Variants in VAV3 observed in about 807,000 individuals in gnomAD.
VAV3 encodes the protein vav guanine nucleotide exchange factor 3.
In VAV3, 94 loss-of-function variants were observed where a neutral mutation model predicts 131.2. The ratio of observed to expected loss-of-function variants is 0.72; its 90% CI spans 0.61 to 0.85. VAV3 has a LOEUF of 0.85. VAV3 is among the 40% of genes least tolerant of loss of function. VAV3 has a pLI of 0.00. For synonymous variants in VAV3, 349 were observed against 342.0 expected (o/e 1.02, Z -0.22); for missense variants, 939 against 1,002.7 (o/e 0.94, Z 0.86).
intron 1 of VAV3, among the ~76,000 whole-genome samples, chr1:107,961,473 T>C (rs139852264): frequency 2.4e-3 from 358 of 152,258 alleles, no homozygotes; most frequent in African/African-American, 8.1e-3. Context: ...CTGTTTCAGA[T>C]GAAAAATAAA....
intron 20 of VAV3, among the ~76,000 whole-genome samples, chr1:107,620,232 C>G (rs1431544490): frequency 6.6e-6 from 1 of 152,072 alleles, no homozygotes; most frequent in Non-Finnish European, 1.5e-5. Context: ...TCTGATAGTT[C>G]CCTGTCAATG....
intron 15 of VAV3, among the ~76,000 whole-genome samples, chr1:107,736,910 A>C (rs1662676441): frequency 6.6e-6 from 1 of 152,186 alleles, no homozygotes; most frequent in African/African-American, 2.4e-5. Context: ...AATCCTAAAC[A>C]AAAAGAACAA....
intron 4 of VAV3, among the ~76,000 whole-genome samples, chr1:107,776,500 A>G (rs1665365570): frequency 6.6e-6 from 1 of 152,252 alleles, no homozygotes; most frequent in Admixed American, 6.5e-5. Context: ...TCAGTCAAAC[A>G]GGCAGAAAGA....
intron 19 of VAV3, among the ~76,000 whole-genome samples, chr1:107,666,683 C>A (rs1029307318): frequency 6.6e-6 from 1 of 151,890 alleles, no homozygotes; most frequent in Non-Finnish European, 1.5e-5. Flanking sequence ...AATTCACCTG[C>A]CTCAGCGTCC....
At chr1:107,872,745 G>T (rs1670310564) in intron 2 of VAV3, among the ~76,000 whole-genome samples, 1 of 152,128 alleles carries the variant, frequency 6.6e-6, no homozygotes, top group Non-Finnish European at 1.5e-5. Context: ...CAATCAGCTA[G>T]ACCTGAGTTC....
chr1:107,841,939 A>G (rs1242441314), intron 2 of VAV3, among the ~76,000 whole-genome samples: 1 of 152,202 alleles, frequency 6.6e-6, no homozygotes, highest in East Asian at 1.9e-4. Flanking sequence ...CACTTTTTAA[A>G]TGTAGCAACT....
chr1:107,825,981 A>C (rs1394217284), intron 2 of VAV3, among the ~76,000 whole-genome samples: 2 of 152,104 alleles, frequency 1.3e-5, no homozygotes, highest in Admixed American at 6.6e-5. Context: ...CATTTCTTAT[A>C]ATCCTTTATC....
Position 107,954,496 on chromosome 1 carries a change from T to G in VAV3, c.204+10170A>C, listed in dbSNP as rs187042174. Among the ~76,000 whole-genome samples, 1,160 of 151,948 alleles carry G rather than the reference T, an allele frequency of 7.6e-3. 8 individuals carry two copies. The highest frequency in any genetic ancestry group is 0.018 in the South Asian group (87 of 4,816). ...ATTTTATACTGAATAGTGTGATAAA[T>G]GTGTATGAAATCATCCAGATTCAGT... On this transcript the variant is annotated intron_variant, in intron 1 of 26. Transcript: ENST00000370056.
intron 1 of VAV3, among the ~76,000 whole-genome samples, chr1:107,880,257 G>C (rs1670701938): frequency 6.6e-6 from 1 of 152,190 alleles, no homozygotes; most frequent in African/African-American, 2.4e-5. Context: ...TAAAGAGAAG[G>C]AGTGGTTGGT....
chr1:107,577,233 A>C (rs1272150594), intron 25 of VAV3, among the ~76,000 whole-genome samples: 2 of 152,168 alleles, frequency 1.3e-5, no homozygotes, highest in African/African-American at 2.4e-5. Flanking sequence ...TTTCCCCTTT[A>C]CATATGAGAA....
chr1:107,936,173 C>T (rs1353818608), intron 1 of VAV3, among the ~76,000 whole-genome samples: 1 of 152,102 alleles, frequency 6.6e-6, no homozygotes, highest in African/African-American at 2.4e-5. Context: ...CCTGAAAATA[C>T]ACCCACAATT....
At chr1:107,811,708 C>T (rs899505777) in intron 2 of VAV3, among the ~76,000 whole-genome samples, 1 of 152,038 alleles carries the variant, frequency 6.6e-6, no homozygotes, top group African/African-American at 2.4e-5. Flanking sequence ...ATATTAAAAA[C>T]AGTTCATGCT....
chr1:107,953,251 A>T (rs1233242613), intron 1 of VAV3, among the ~76,000 whole-genome samples: 1 of 152,160 alleles, frequency 6.6e-6, no homozygotes, highest in Non-Finnish European at 1.5e-5. Flanking sequence ...CAGTGATAAG[A>T]TCTTATTCTT....
intron 1 of VAV3, among the ~76,000 whole-genome samples, chr1:107,945,766 G>C (rs1258494280): frequency 6.9e-6 from 1 of 145,906 alleles, no homozygotes; most frequent in Non-Finnish European, 1.5e-5. Context: ...AGGTTGCAGT[G>C]AATCGAGATC....
intron 18 of VAV3, among the ~76,000 whole-genome samples, chr1:107,687,658 T>C (rs1332842521): frequency 1.3e-5 from 2 of 152,208 alleles, no homozygotes; most frequent in South Asian, 2.1e-4. Context: ...TCTGAAATTT[T>C]ATAATTTTGG....
chr1:107,574,386 C>T lies in VAV3; in HGVS notation c.2351-188G>A, dbSNP rs535632231. 1.9e-4 allele frequency among the ~76,000 whole-genome samples: 29 copies of T among 152,252 alleles called. No homozygotes were observed. The Middle Eastern group carries it at 0.01, about 54-fold the overall frequency. ...CAATTCAATCAGGTGCAAGCAAATT[C>T]GCTTCATAAGTTTAAAGAACCATTG... On this transcript the variant is annotated intron_variant, in intron 25 of 26. Transcript: ENST00000370056.
chr1:107,676,611 T>C (rs1347691587), intron 19 of VAV3, among the ~76,000 whole-genome samples: 2 of 152,214 alleles, frequency 1.3e-5, no homozygotes, highest in African/African-American at 4.8e-5. Flanking sequence ...ACTTTTTTTT[T>C]TCCTAAGCTA....
At chr1:107,909,148 G>A (rs1672250150) in intron 1 of VAV3, among the ~76,000 whole-genome samples, 1 of 152,098 alleles carries the variant, frequency 6.6e-6, no homozygotes, top group African/African-American at 2.4e-5. Flanking sequence ...ACTTTTCACT[G>A]AGTAACATCT....
At chr1:107,852,122 T>C (rs1179058606) in intron 2 of VAV3, among the ~76,000 whole-genome samples, 1 of 152,156 alleles carries the variant, frequency 6.6e-6, no homozygotes, top group South Asian at 2.1e-4. Flanking sequence ...TACTAGAAGT[T>C]TGAATTGTTT....
Sources: gnomAD v4.1 joint callset for allele counts (sites outside exome capture counted in the v4.1 genomes callset) on GRCh38, gnomAD v4.1.1 for gene constraint, MANE v1.5 for transcripts, NCBI Gene and HGNC (gene_info 2026-07-23, HGNC 2026-07-21) for gene names.